Variants in PIK3CA observed in about 807,000 individuals in gnomAD.
PIK3CA encodes phosphatidylinositol-4,5-bisphosphate 3-kinase catalytic subunit alpha.
A neutral mutation model predicts 138.2 loss-of-function variants in PIK3CA; 27 were observed. That is an observed-to-expected ratio of 0.20 (90% CI 0.14 to 0.27). The LOEUF is 0.27. Ranked by LOEUF, PIK3CA falls within the 10% of genes least tolerant of loss-of-function variation. PIK3CA has a pLI of 1.00. For missense variants in PIK3CA, 544 were observed against 1,277.4 expected, an observed-to-expected ratio of 0.43 and a Z score of 8.75; for synonymous variants, 358 against 413.2, an observed-to-expected ratio of 0.87 and a Z score of 1.62.
Position 179,237,906 on chromosome 3 carries a change from TACTC to T in PIK3CA, c.*3544_*3547del, listed in dbSNP as rs1324557411. 1 of 209,854 alleles carries T rather than the reference TACTC, an allele frequency of 4.8e-6. No homozygotes were observed. The highest frequency in any genetic ancestry group is 9.7e-6 in the Non-Finnish European group (1 of 103,234). 13.0% of individuals were successfully genotyped at this position (209,854 alleles called of 1,614,324 possible). ...ACTGCAGACCTGGGCTGGACCCACATACTCAAGAGTCCACCTTAAGAAATTATTT... is the reference window on the plus strand; with the variant it reads ...ACTGCAGACCTGGGCTGGACCCACATAAGAGTCCACCTTAAGAAATTATTT... On this transcript the variant is annotated 3_prime_UTR_variant, in exon 21 of 21. Coordinates refer to ENST00000263967, the MANE Select transcript of PIK3CA (RefSeq NM_006218.4).
At chr3:179,173,081 G>C (rs1027337288) in intron 1 of PIK3CA, among the ~76,000 whole-genome samples, 17 of 151,822 alleles carry the variant, frequency 1.1e-4, no homozygotes, top group Admixed American at 2.6e-4. Context: ...TTTTTCCCGT[G>C]ATTTAATGAA....
At chr3:179,224,930 C>A (rs1181268347) in intron 16 of PIK3CA, 109 bp downstream of exon 16, 1 of 643,158 alleles carries the variant, frequency 1.6e-6, no homozygotes, top group Non-Finnish European at 2.6e-6. Context: ...GGAATATACA[C>A]ATGTGATAAA....
chr3:179,181,131 A>G (rs1250298793), intron 1 of PIK3CA, among the ~76,000 whole-genome samples: 1 of 152,164 alleles, frequency 6.6e-6, no homozygotes, highest in Non-Finnish European at 1.5e-5. Flanking sequence ...TTCTGTCACC[A>G]CACACCAGAT....
intron 9 of PIK3CA, among the ~76,000 whole-genome samples, chr3:179,216,728 A>G (rs1335592254): frequency 6.6e-6 from 1 of 152,178 alleles, no homozygotes; most frequent in African/African-American, 2.4e-5. Flanking sequence ...ATTTGGTTTT[A>G]TAATATTTAA....
intron 1 of PIK3CA, among the ~76,000 whole-genome samples, chr3:179,170,803 A>C (rs1723541210): frequency 6.6e-6 from 1 of 152,218 alleles, no homozygotes; most frequent in Admixed American, 6.5e-5. Context: ...CATGAAACAA[A>C]GATTGATAGA....
intron 1 of PIK3CA, among the ~76,000 whole-genome samples, chr3:179,157,986 A>G (rs1723181832): frequency 6.6e-6 from 1 of 152,156 alleles, no homozygotes; most frequent in African/African-American, 2.4e-5. Flanking sequence ...TGTGTTGTAC[A>G]TAGTAAGCAC....
chr3:179,151,895 T>C (rs1405460143), intron 1 of PIK3CA, among the ~76,000 whole-genome samples: 1 of 152,198 alleles, frequency 6.6e-6, no homozygotes, highest in Non-Finnish European at 1.5e-5. Flanking sequence ...CCCACTGTCA[T>C]AGCATTAACC....
intron 9 of PIK3CA, among the ~76,000 whole-genome samples, chr3:179,211,618 G>T (rs759370442): frequency 6.6e-6 from 1 of 152,144 alleles, no homozygotes; most frequent in Non-Finnish European, 1.5e-5. Context: ...AGTGAGCCGA[G>T]GTCACGCCAT....
intron 1 of PIK3CA, among the ~76,000 whole-genome samples, chr3:179,165,866 A>T (rs1723405122): frequency 6.6e-6 from 1 of 152,078 alleles, no homozygotes; most frequent in Non-Finnish European, 1.5e-5. Context: ...TAACATGTTG[A>T]TCTTGGTACA....
chr3:179,169,072 A>G (rs1272406938), intron 1 of PIK3CA: 2 of 152,132 alleles, frequency 1.3e-5, no homozygotes, highest in African/African-American at 4.8e-5. Context: ...TGTTATGTTT[A>G]TGAGTGGCTG....
intron 1 of PIK3CA, among the ~76,000 whole-genome samples, chr3:179,171,390 A>G (rs1263915634): frequency 6.6e-6 from 1 of 152,176 alleles, no homozygotes; most frequent in Non-Finnish European, 1.5e-5. Context: ...TTAAGAAGCT[A>G]GAAAAGAAAG....
chr3:179,164,686 T>G (rs1019176630), intron 1 of PIK3CA, among the ~76,000 whole-genome samples: 1 of 151,996 alleles, frequency 6.6e-6, no homozygotes, highest in East Asian at 1.9e-4. Context: ...CTGACCAACA[T>G]GGCAAAACCC....
At chr3:179,162,924 TAAAAG>T (rs1723320770) in intron 1 of PIK3CA, among the ~76,000 whole-genome samples, 1 of 151,852 alleles carries the variant, frequency 6.6e-6, no homozygotes, top group Non-Finnish European at 1.5e-5. Flanking sequence ...TATAAACAGA[TAAAAG>T]TAAGGTATCT....
In PIK3CA at chr3:179,152,671, C is replaced by A. The variant is rs182092717; in HGVS notation, c.-77+4068C>A. ...CCTTTCTCCTTAGGAAGTGTTAGAT[C>A]TCATGAGTGGACTTATCTGAGATAA... On this transcript the variant is annotated intron_variant, in intron 1 of 20. Coordinates refer to ENST00000263967, the MANE Select transcript of PIK3CA (RefSeq NM_006218.4). 6.4e-4 allele frequency among the ~76,000 whole-genome samples: 97 copies of A among 152,136 alleles called. 1 individual carries two copies. Among genetic ancestry groups the A allele is most frequent in the Non-Finnish European group, 8.1e-4 (55 of 67,980 alleles).
intron 1 of PIK3CA, among the ~76,000 whole-genome samples, chr3:179,160,137 AG>A (rs1009190701): frequency 6.6e-6 from 1 of 152,176 alleles, no homozygotes; most frequent in African/African-American, 2.4e-5. Flanking sequence ...TTTTTTAAAA[AG>A]TAAAGTAATT....
At chr3:179,222,470 C>T (rs1002369751) in intron 14 of PIK3CA, among the ~76,000 whole-genome samples, 1 of 152,142 alleles carries the variant, frequency 6.6e-6, no homozygotes, top group Non-Finnish European at 1.5e-5. Flanking sequence ...ATTTTAGATA[C>T]ATTTGTAAAT....
In PIK3CA at chr3:179,236,070, G is replaced by A. The variant is rs543115691; in HGVS notation, c.*1706G>A. On this transcript the variant is annotated 3_prime_UTR_variant, in exon 21 of 21. Transcript: ENST00000263967. ...TAAAGAGTGAACATTGTATACTCTA[G>A]TAAAACAGCATCACTTTAAAAATAT... is the stretch of plus-strand genomic sequence containing the variant. 5.8e-5 allele frequency: 12 copies of A among 205,130 alleles called. No homozygotes were observed. The highest frequency in any genetic ancestry group is 1.1e-4 in the Non-Finnish European group (11 of 100,378). 12.7% of individuals were successfully genotyped at this position (205,130 alleles called of 1,614,324 possible). A position where few individuals can be genotyped will look rare whatever the true frequency, so the allele number is the denominator to read the frequency against.
At chr3:179,212,145 T>C (rs1724729299) in intron 9 of PIK3CA, among the ~76,000 whole-genome samples, 4 of 151,710 alleles carry the variant, frequency 2.6e-5, no homozygotes, top group Admixed American at 1.3e-4. Context: ...GTAGCTGGGA[T>C]TACAGGCATG....
chr3:179,232,754 A>G (rs1725241313), intron 20 of PIK3CA, among the ~76,000 whole-genome samples: 1 of 151,858 alleles, frequency 6.6e-6, no homozygotes, highest in Non-Finnish European at 1.5e-5. Flanking sequence ...TCTTAATTTG[A>G]TTCTCAGCTT....
Sources: gnomAD v4.1 joint callset for allele counts (sites outside exome capture counted in the v4.1 genomes callset) on GRCh38, gnomAD v4.1.1 for gene constraint, MANE v1.5 for transcripts, NCBI Gene and HGNC (gene_info 2026-07-23, HGNC 2026-07-21) for gene names.